The following SLC45A2 variants were observed in gnomAD, a reference collection of about 807,000 sequenced individuals.
SLC45A2 encodes the protein membrane-associated transporter protein.
In SLC45A2, 36 loss-of-function variants were observed where a neutral mutation model predicts 45.5. That is an observed-to-expected ratio of 0.79 (90% CI 0.61 to 1.04). SLC45A2 has a LOEUF of 1.04. Among genes scored for constraint, SLC45A2 ranks in the 50% least tolerant of loss-of-function variants. The pLI, the probability that SLC45A2 is intolerant of heterozygous loss-of-function variation, is 0.00. For missense variants in SLC45A2, 719 were observed against 671.0 expected (o/e 1.07, Z -0.79); for synonymous variants, 306 against 269.3 (o/e 1.14, Z -1.33).
At chr5:33,962,699 C>T (rs754486522) in intron 3 of SLC45A2, among the ~76,000 whole-genome samples, 15 of 152,182 alleles carry the variant, frequency 9.9e-5, no homozygotes, top group Non-Finnish European at 2.2e-4. Context: ...AATGTAAATG[C>T]CCAAAGTCAT....
intron 1 of SLC45A2, 52 bp downstream of exon 1, chr5:33,984,147 G>T (rs148795888): frequency 1.2e-6 from 2 of 1,609,092 alleles, no homozygotes; most frequent in Non-Finnish European, 1.7e-6. Context: ...TCCTGCAGAG[G>T]TACACACTAA....
At chr5:33,967,342 A>G (rs993496191) in intron 2 of SLC45A2, among the ~76,000 whole-genome samples, 3 of 152,228 alleles carry the variant, frequency 2.0e-5, no homozygotes, top group African/African-American at 4.8e-5. Context: ...CTTTTAAAAT[A>G]TTCCTCTAGA....
chr5:33,962,581 C>T (rs546847671), intron 3 of SLC45A2, among the ~76,000 whole-genome samples: 5 of 152,348 alleles, frequency 3.3e-5, no homozygotes, highest in African/African-American at 1.2e-4. Flanking sequence ...CTAAACCCAA[C>T]AGCTTATTAT....
chr5:33,946,916 A>T, intron 6 of SLC45A2: 1 of 1,421,440 alleles, frequency 7.0e-7, no homozygotes. Context: ...AAATGGGAGT[A>T]ACACTTCTTG....
intron 2 of SLC45A2, among the ~76,000 whole-genome samples, chr5:33,975,716 A>T (rs1055289282): frequency 6.6e-6 from 1 of 152,190 alleles, no homozygotes; most frequent in East Asian, 1.9e-4. Flanking sequence ...AGGGAGATAC[A>T]TGACCAACTC....
chr5:33,971,049 A>G, intron 2 of SLC45A2: 1 of 498,156 alleles, frequency 2.0e-6, no homozygotes, highest in Non-Finnish European at 4.1e-6. Flanking sequence ...ATGCTTAAAC[A>G]ATTAACTGAA....
rs1248020358 is a variant in SLC45A2 at position 33,971,203 on chromosome 5, GT to G, written c.563-7188del. ...TATCATGAGATATTTACCAAGAGAG[GT>G]GGAGCCACTGATTTATAACATGTCT... On this transcript the variant is annotated intron_variant, in intron 2 of 6. Coordinates refer to ENST00000296589, the MANE Select transcript of SLC45A2 (RefSeq NM_016180.5). 4 of 530,092 alleles carry G rather than the reference GT, an allele frequency of 7.5e-6. No individual in the cohort carries two copies. In the African/African-American group the frequency reaches 7.7e-5, roughly 10 times the overall value. 32.8% of individuals were successfully genotyped at this position (530,092 alleles called of 1,614,324 possible). A position where few individuals can be genotyped will look rare whatever the true frequency, so the allele number is the denominator to read the frequency against.
chr5:33,963,834 T>C lies in SLC45A2; in HGVS notation c.745A>G (p.Ile249Val). 2 of 1,614,152 alleles carry C rather than the reference T, an allele frequency of 1.2e-6. No homozygotes were observed. Among genetic ancestry groups the C allele is most frequent in the East Asian group, 2.2e-5 (1 of 44,882 alleles). Reference protein sequence around the residue: ...EAPLTEVAKGIPPQQTPQDPP... With the variant: ...EAPLTEVAKGVPPQQTPQDPP... ...TCCTGAGGGGTTTGCTGTGGGGGAA[T>C]GCCCTTTGCAACCTCTGTAAGTGGG... Residue 249 changes from isoleucine to valine, a missense_variant, in exon 3 of 7, where the codon ATT (isoleucine) becomes GTT (valine). Physicochemically the swap from Ile to Val is conservative, Grantham distance 29. Coordinates refer to ENST00000296589, the MANE Select transcript of SLC45A2 (RefSeq NM_016180.5).
At chr5:33,946,594 G>A (rs559530060) in intron 6 of SLC45A2, 31 of 997,656 alleles carry the variant, frequency 3.1e-5, no homozygotes, top group South Asian at 1.8e-4. Flanking sequence ...CACAGGTCCC[G>A]CTCAGGGCAG....
chr5:33,966,295 T>C (rs1035880211), intron 2 of SLC45A2, among the ~76,000 whole-genome samples: 1 of 152,290 alleles, frequency 6.6e-6, no homozygotes, highest in African/African-American at 2.4e-5. Flanking sequence ...TAAACATGTA[T>C]CGAACACTAA....
chr5:33,947,058 A>C lies in SLC45A2; in HGVS notation c.1368+105T>G. On this transcript the variant is annotated intron_variant, in intron 6 of 6. Transcript: ENST00000296589. ...TGGGCATTTGACTGTTGCTGTTTCA[A>C]GAACCCTTATTTTCCAGCTCTGCTC... 4.3e-6 allele frequency: 7 copies of C among 1,611,752 alleles called. No individual in the cohort carries two copies. The South Asian group carries it at 7.7e-5, about 18-fold the overall frequency.
intron 2 of SLC45A2, among the ~76,000 whole-genome samples, chr5:33,965,152 G>T (rs35409): frequency 0.75 from 113,924 of 151,090 alleles, 47,605 homozygotes; most frequent in Non-Finnish European, 0.96. Flanking sequence ...GATTTTTTTT[G>T]TGTGTGTGTA....
Position 33,984,467 on chromosome 5 carries a change from G to C in SLC45A2, c.117C>G (p.Ser39Arg). Reference sequence around the variant, plus strand: ...AGAACTCTCTTCCGAACATGGCCATGCTGTGCATGATGAGTCTGCTGGTGG... The same window carrying C: ...AGAACTCTCTTCCGAACATGGCCATCCTGTGCATGATGAGTCTGCTGGTGG... Reference protein sequence around the residue: ...KRPTSRLIMHSMAMFGREFCY... With the variant: ...KRPTSRLIMHRMAMFGREFCY... The change falls in exon 1 of 7, where the codon AGC (serine) becomes AGG (arginine). Residue 39 changes from serine (S) to arginine (R), a missense_variant. Ser to Arg is a moderately radical substitution (Grantham distance 110, BLOSUM62 -1). Transcript: ENST00000296589. 1 of 1,613,756 alleles carries C rather than the reference G, an allele frequency of 6.2e-7. No homozygotes were observed. The highest frequency in any genetic ancestry group is 1.1e-5 in the South Asian group (1 of 91,076).
At chr5:33,955,304 C>T (rs186591287) in intron 3 of SLC45A2, among the ~76,000 whole-genome samples, 4 of 152,290 alleles carry the variant, frequency 2.6e-5, no homozygotes, top group Admixed American at 6.5e-5. Context: ...TGCTTTGAGG[C>T]GGGCTCTTCC....
Position 33,951,682 on chromosome 5 carries a change from A to G in SLC45A2, c.1033-5T>C, listed in dbSNP as rs1239822466. 1 of 1,614,034 alleles carries G rather than the reference A, an allele frequency of 6.2e-7. No homozygotes were observed. The highest frequency in any genetic ancestry group is 1.7e-5 in the Admixed American group (1 of 59,994). On this transcript the variant is annotated splice_polypyrimidine_tract_variant and splice_region_variant and intron_variant, in intron 4 of 6. Transcript: ENST00000296589. ...GGGATCCCCGCGGTACACAATCTGA[A>G]AGAGAGATTGGAGGCTGTTGAGGTA...
chr5:33,968,086 G>A (rs1326892653), intron 2 of SLC45A2, among the ~76,000 whole-genome samples: 1 of 152,038 alleles, frequency 6.6e-6, no homozygotes, highest in Non-Finnish European at 1.5e-5. Flanking sequence ...GGCCACTGGG[G>A]GAATTATCCT....
intron 2 of SLC45A2, among the ~76,000 whole-genome samples, chr5:33,969,696 T>C (rs946597226): frequency 1.3e-5 from 2 of 152,158 alleles, no homozygotes; most frequent in African/African-American, 4.8e-5. Context: ...TGCACACATA[T>C]TGGTAAATCC....
At chr5:33,964,619 AG>A (rs1010360125) in intron 2 of SLC45A2, among the ~76,000 whole-genome samples, 3 of 152,146 alleles carry the variant, frequency 2.0e-5, no homozygotes, top group Non-Finnish European at 4.4e-5. Flanking sequence ...TGAGAACAAA[AG>A]TTTAAACATG....
intron 2 of SLC45A2, among the ~76,000 whole-genome samples, chr5:33,967,917 T>C (rs1020095956): frequency 2.0e-5 from 3 of 150,968 alleles, no homozygotes; most frequent in South Asian, 2.1e-4. Context: ...CTTGACATAA[T>C]CTATAACTTA....
Sources: allele counts gnomAD v4.1 joint callset (sites outside exome capture counted in the v4.1 genomes callset), GRCh38; gene constraint gnomAD v4.1.1; transcripts MANE v1.5; gene names NCBI Gene and HGNC (gene_info 2026-07-23, HGNC 2026-07-21).